NAA38: variants seen among roughly 807,000 people sequenced by gnomAD.
The protein encoded by NAA38 is N-alpha-acetyltransferase 38, NatC auxiliary subunit, also known as LSM domain containing 1.
NAA38 carries 15 observed loss-of-function variants against 12.6 expected under a neutral mutation model. The observed-to-expected ratio is 1.19, with a 90% CI of 0.79 to 1.83. NAA38 has a LOEUF of 1.83. Ranked by LOEUF, NAA38 falls within the 40% of genes most tolerant of loss-of-function variation. NAA38 has a pLI of 0.00. For synonymous variants in NAA38, 88 were observed against 69.9 expected, an observed-to-expected ratio of 1.26 and a Z score of -1.29; for missense variants, 183 against 171.7, an observed-to-expected ratio of 1.07 and a Z score of -0.37.
rs187690234 is a variant in NAA38, at chr17:7,876,513, C to A, written c.-66+6722G>T. 3.9e-3 allele frequency among the ~76,000 whole-genome samples: 587 copies of A among 152,258 alleles called. 1 individual carries two copies. Among genetic ancestry groups the A allele is most frequent in the African/African-American group, 0.014 (564 of 41,544 alleles). On this transcript the variant is annotated intron_variant, in intron 2 of 4. Coordinates refer to the NAA38 transcript ENST00000576861. ...CCTACTAAATTCTTTCTTATCCCAC[C>A]TAAACTGCCCTTTTACTTCCTCTTT...
chr17:7,864,813 T>C (rs995251485), intron 3 of NAA38: 2 of 151,006 alleles, frequency 1.3e-5, no homozygotes, highest in Admixed American at 1.3e-4. Flanking sequence ...CAAAATGGCT[T>C]CAAACCAGGA....
At chr17:7,883,556 A>C (rs1381141081) in intron 1 of NAA38, among the ~76,000 whole-genome samples, 1 of 152,190 alleles carries the variant, frequency 6.6e-6, no homozygotes, top group East Asian at 1.9e-4. Flanking sequence ...AAAGGGGAGA[A>C]TCAAACATGG....
At position 7,857,074 on chromosome 17, in the gene NAA38, C is replaced by A. The variant is rs1460414315; in HGVS notation, c.206G>T (p.Cys69Phe). Residue 69 changes from cysteine to phenylalanine, a missense_variant, in exon 2 of 3, where the codon TGC becomes TTC. By Grantham distance (205) the Cys-to-Phe change is radical. Coordinates refer to ENST00000575771, the MANE Select transcript of NAA38 (RefSeq NM_001320925.4). Reference protein sequence around the residue: ...DGRTLVGCFLCTDRDCNVILG... With the variant: ...DGRTLVGCFLFTDRDCNVILG... ...GATGACATTGCAGTCACGGTCAGTG[C>A]AGAGGAAGCAGCCGACCAGTGTCCG... 1 of 1,613,568 alleles carries A rather than the reference C, an allele frequency of 6.2e-7. No individual in the cohort carries two copies. Among genetic ancestry groups the A allele is most frequent in the Admixed American group, 1.7e-5 (1 of 60,034 alleles).
chr17:7,874,586 C>G (rs1300713216), intron 2 of NAA38, among the ~76,000 whole-genome samples: 1 of 152,032 alleles, frequency 6.6e-6, no homozygotes, highest in Non-Finnish European at 1.5e-5. Context: ...CTGGAGGCAA[C>G]AGTAGAGATA....
At chr17:7,868,901 G>A (rs1032189120) in intron 2 of NAA38, among the ~76,000 whole-genome samples, 25 of 152,198 alleles carry the variant, frequency 1.6e-4, no homozygotes, top group Admixed American at 1.4e-3. Context: ...AATATGGTTT[G>A]TTTCATATCA....
chr17:7,878,145 G>T (rs1453629715), intron 2 of NAA38, among the ~76,000 whole-genome samples: 1 of 151,850 alleles, frequency 6.6e-6, no homozygotes, highest in African/African-American at 2.4e-5. Context: ...AAAGACTTAT[G>T]AATATTATTT....
intron 2 of NAA38, among the ~76,000 whole-genome samples, chr17:7,877,460 TC>T (rs1321068842): frequency 7.5e-6 from 1 of 132,910 alleles, no homozygotes; most frequent in Non-Finnish European, 1.6e-5. Flanking sequence ...TTTTCTTTTT[TC>T]TTTTTCTTTT....
chr17:7,858,335 G>A, upstream of NAA38: 1 of 1,614,024 alleles, frequency 6.2e-7, no homozygotes, highest in Non-Finnish European at 8.5e-7. Flanking sequence ...GTGTGTGTGT[G>A]TGCACGCGCG....
chr17:7,885,103 C>G lies in NAA38; in HGVS notation c.-167+62G>C, dbSNP rs1027113153. On this transcript the variant is annotated intron_variant, in intron 1 of 4. Coordinates refer to the NAA38 transcript ENST00000576861. ...CGCCAGGTAAGCGCCCGCCCCGACT[C>G]CCCCCCCAAGCCCGAGTGGGAGCCG... The G allele has an allele frequency of 1.1e-5, 11 of 967,424 alleles. No individual in the cohort carries two copies. The Admixed American group carries it at 3.2e-4, about 28-fold the overall frequency. 59.9% of individuals were successfully genotyped at this position (967,424 alleles called of 1,614,324 possible). A position where few individuals can be genotyped will look rare whatever the true frequency, so the allele number is the denominator to read the frequency against.
At chr17:7,874,533 C>G (rs1220410299) in intron 2 of NAA38, among the ~76,000 whole-genome samples, 1 of 152,128 alleles carries the variant, frequency 6.6e-6, no homozygotes, top group Non-Finnish European at 1.5e-5. Flanking sequence ...AAGACTGCTG[C>G]AGCCTTAAAG....
At chr17:7,868,047 G>T (rs1344590117) in intron 2 of NAA38, among the ~76,000 whole-genome samples, 1 of 152,204 alleles carries the variant, frequency 6.6e-6, no homozygotes, top group Non-Finnish European at 1.5e-5. Flanking sequence ...GATCTTGTTG[G>T]ATATATAGGA....
At chr17:7,883,141 C>A (rs1967319253) in intron 2 of NAA38, 1 of 152,208 alleles carries the variant, frequency 6.6e-6, no homozygotes, top group Admixed American at 6.5e-5. Flanking sequence ...TTCCAACTGT[C>A]CAATTCCTGG....
intron 1 of NAA38, among the ~76,000 whole-genome samples, chr17:7,884,108 G>A (rs559285017): frequency 1.1e-4 from 16 of 148,090 alleles, no homozygotes; most frequent in Admixed American, 1.1e-3. Flanking sequence ...CAGTACACAA[G>A]GAAAATATCT....
intron 2 of NAA38, among the ~76,000 whole-genome samples, chr17:7,871,592 C>T (rs1289657006): frequency 6.6e-6 from 1 of 152,104 alleles, no homozygotes; most frequent in East Asian, 1.9e-4. Context: ...GGAGCCAGTA[C>T]CCGACCCCAG....
chr17:7,884,871 A>G, intron 1 of NAA38: 2 of 1,266,352 alleles, frequency 1.6e-6, no homozygotes, highest in Admixed American at 2.3e-5. Flanking sequence ...GAGGAGGAAG[A>G]AGAGGAGGAA....
intron 2 of NAA38, among the ~76,000 whole-genome samples, chr17:7,869,331 C>G (rs1567816893): frequency 6.6e-6 from 1 of 152,206 alleles, no homozygotes; most frequent in South Asian, 2.1e-4. Context: ...GACACCAAAG[C>G]TCAAACTCTT....
At chr17:7,857,342 C>T (rs1295452490) in intron 1 of NAA38, 41 bp downstream of exon 1, 16 of 1,613,192 alleles carry the variant, frequency 9.9e-6, no homozygotes, top group Non-Finnish European at 1.3e-5. Flanking sequence ...CATCTTGCTG[C>T]TTGACTGCCC....
At chr17:7,859,004 T>A (rs939646492), upstream of NAA38, 1 of 590,816 alleles carries the variant, frequency 1.7e-6, no homozygotes, top group African/African-American at 1.9e-5. Context: ...TCTAGGAGTG[T>A]CTGGGTCACA....
At chr17:7,870,369 T>C (rs1967064791) in intron 2 of NAA38, among the ~76,000 whole-genome samples, 1 of 152,194 alleles carries the variant, frequency 6.6e-6, no homozygotes, top group African/African-American at 2.4e-5. Context: ...CTCCTTCTGA[T>C]TAAGATGATA....
Sources: gnomAD v4.1 joint callset for allele counts (sites outside exome capture counted in the v4.1 genomes callset) on GRCh38, gnomAD v4.1.1 for gene constraint, MANE v1.5 for transcripts, NCBI Gene and HGNC (gene_info 2026-07-23, HGNC 2026-07-21) for gene names.